The following KLHL29 variants were observed in gnomAD, a reference collection of about 807,000 sequenced individuals.
KLHL29 encodes the protein kelch-like protein 29.
A neutral mutation model predicts 80.4 loss-of-function variants in KLHL29; 21 were observed. The observed-to-expected ratio is 0.26, with a 90% CI of 0.19 to 0.38. KLHL29 has a LOEUF of 0.38. Among genes scored for constraint, KLHL29 ranks in the 10% least tolerant of loss-of-function variants. The pLI is 1.00. For missense variants in KLHL29, 867 were observed against 1,223.9 expected (o/e 0.71, Z 4.35); for synonymous variants, 511 against 526.8 (o/e 0.97, Z 0.41).
intron 5 of KLHL29, chr2:23,643,799 C>G (rs3731617): frequency 0.096 from 14,545 of 152,296 alleles, 1,702 homozygotes; most frequent in East Asian, 0.46. Context: ...GCAGTGGGGG[C>G]ATAAGGGTCC....
At chr2:23,557,555 C>T (rs1253032136) in intron 2 of KLHL29, among the ~76,000 whole-genome samples, 4 of 151,900 alleles carry the variant, frequency 2.6e-5, no homozygotes, top group South Asian at 2.1e-4. Flanking sequence ...GTGGGAGGTG[C>T]GGGGTGCTGG....
chr2:23,445,505 A>G (rs1663648598), intron 1 of KLHL29, among the ~76,000 whole-genome samples: 1 of 152,216 alleles, frequency 6.6e-6, no homozygotes. Flanking sequence ...GAAGGGATTC[A>G]GCAAATTCTC....
intron 2 of KLHL29, among the ~76,000 whole-genome samples, chr2:23,553,750 G>T (rs561581112): frequency 6.6e-6 from 1 of 152,352 alleles, no homozygotes; most frequent in Non-Finnish European, 1.5e-5. Context: ...GCCCCGTGCT[G>T]GGAGGGTCAC....
chr2:23,564,071 G>C (rs1024941452), intron 3 of KLHL29, among the ~76,000 whole-genome samples: 4 of 152,252 alleles, frequency 2.6e-5, no homozygotes, highest in Admixed American at 2.0e-4. Context: ...CGCTGGAACC[G>C]ACTGCTCGGG....
At position 23,439,453 on chromosome 2, in the gene KLHL29, T is replaced by C. The variant is rs540858032; in HGVS notation, c.-153-36107T>C. Among the ~76,000 whole-genome samples the C allele has an allele frequency of 5.4e-3, 816 of 150,654 alleles. 9 individuals are homozygous for C. Among genetic ancestry groups the C allele is most frequent in the African/African-American group, 0.019 (781 of 41,000 alleles). On this transcript the variant is annotated intron_variant, in intron 1 of 13. Transcript: ENST00000486442. ...GCTTTCTCTTGTGGGCATTTAGTGCTATAAATTTCCCTCTACACACTGCTT... is the reference window on the plus strand; with the variant it reads ...GCTTTCTCTTGTGGGCATTTAGTGCCATAAATTTCCCTCTACACACTGCTT...
chr2:23,485,189 T>G (rs767332131), intron 2 of KLHL29, among the ~76,000 whole-genome samples: 1 of 152,200 alleles, frequency 6.6e-6, no homozygotes, highest in South Asian at 2.1e-4. Context: ...GGCCTCTGGC[T>G]GTGCTCCTGG....
At chr2:23,392,366 T>C (rs1666340700) in intron 1 of KLHL29, among the ~76,000 whole-genome samples, 3 of 152,244 alleles carry the variant, frequency 2.0e-5, no homozygotes, top group Admixed American at 2.0e-4. Flanking sequence ...ATTCCAATAG[T>C]TAAAAATACC....
At chr2:23,593,456 G>A (rs184337603) in intron 3 of KLHL29, among the ~76,000 whole-genome samples, 1 of 152,180 alleles carries the variant, frequency 6.6e-6, no homozygotes, top group South Asian at 2.1e-4. Flanking sequence ...CGGTCTCCAG[G>A]CCTATGTGTC....
chr2:23,618,631 C>G (rs553640256), intron 3 of KLHL29, among the ~76,000 whole-genome samples: 2 of 152,300 alleles, frequency 1.3e-5, no homozygotes, highest in East Asian at 3.9e-4. Context: ...GGGTCTCCAG[C>G]TTGCTAACTG....
intron 2 of KLHL29, among the ~76,000 whole-genome samples, chr2:23,544,592 A>C (rs1666935144): frequency 6.6e-6 from 1 of 152,244 alleles, no homozygotes. Flanking sequence ...ATATAGGCCA[A>C]GAGAAGGCAA....
At chr2:23,536,977 TGTG>T (rs1025753877) in intron 2 of KLHL29, among the ~76,000 whole-genome samples, 7 of 149,904 alleles carry the variant, frequency 4.7e-5, no homozygotes, top group African/African-American at 1.8e-4. Context: ...CTCCTTCAGG[TGTG>T]GTGTAAAGGG....
At chr2:23,525,417 T>C (rs1169014362) in intron 2 of KLHL29, among the ~76,000 whole-genome samples, 2 of 152,216 alleles carry the variant, frequency 1.3e-5, no homozygotes, top group African/African-American at 4.8e-5. Flanking sequence ...CGTCAGTGCC[T>C]TGGTTTGAGG....
intron 1 of KLHL29, among the ~76,000 whole-genome samples, chr2:23,390,150 A>C (rs540262986): frequency 1.2e-4 from 18 of 152,202 alleles, no homozygotes; most frequent in Non-Finnish European, 2.5e-4. Flanking sequence ...TGAAACTGCC[A>C]ATTAAGATGA....
intron 2 of KLHL29, among the ~76,000 whole-genome samples, chr2:23,548,651 A>G (rs1667043845): frequency 6.6e-6 from 1 of 152,244 alleles, no homozygotes; most frequent in African/African-American, 2.4e-5. Context: ...ATGGCCTGGC[A>G]CAGGGCCCCC....
chr2:23,507,389 A>G (rs1490766680), intron 2 of KLHL29, among the ~76,000 whole-genome samples: 1 of 152,084 alleles, frequency 6.6e-6, no homozygotes, highest in Non-Finnish European at 1.5e-5. Context: ...CTCCGCCTCA[A>G]ATGGCCTCAG....
chr2:23,430,514 AG>A (rs771852218), intron 1 of KLHL29, among the ~76,000 whole-genome samples: 6 of 152,180 alleles, frequency 3.9e-5, no homozygotes, highest in Non-Finnish European at 7.3e-5. Context: ...AATCACCCAC[AG>A]TTAAATCCCT....
chr2:23,421,929 GAGTC>G (rs1222144320), intron 1 of KLHL29, among the ~76,000 whole-genome samples: 1 of 151,722 alleles, frequency 6.6e-6, no homozygotes, highest in Non-Finnish European at 1.5e-5. Flanking sequence ...CTCTGTGTCT[GAGTC>G]AGTGTGTCTG....
intron 1 of KLHL29, among the ~76,000 whole-genome samples, chr2:23,409,020 T>C (rs1666799311): frequency 6.6e-6 from 1 of 152,094 alleles, no homozygotes; most frequent in Non-Finnish European, 1.5e-5. Context: ...TCATAAAGAA[T>C]AATTTGGGAG....
At chr2:23,659,552 T>C (rs916361800) in intron 5 of KLHL29, among the ~76,000 whole-genome samples, 2 of 152,164 alleles carry the variant, frequency 1.3e-5, no homozygotes, top group South Asian at 2.1e-4. Flanking sequence ...GGCAGGTGCG[T>C]GTCCAGCGTG....
Sources: gnomAD v4.1 joint callset for allele counts (sites outside exome capture counted in the v4.1 genomes callset) on GRCh38, gnomAD v4.1.1 for gene constraint, MANE v1.5 for transcripts, NCBI Gene and HGNC (gene_info 2026-07-23, HGNC 2026-07-21) for gene names.